The following UBAP1L variants were observed in gnomAD, a reference collection of about 807,000 sequenced individuals.
UBAP1L encodes ubiquitin associated protein 1 like.
UBAP1L carries 32 observed loss-of-function variants against 32.1 expected under a neutral mutation model. The ratio of observed to expected loss-of-function variants is 1.00; its 90% CI spans 0.75 to 1.34. UBAP1L has a LOEUF of 1.34. Ranked by LOEUF, UBAP1L falls within the 40% of genes most tolerant of loss-of-function variation. UBAP1L has a pLI of 0.00. For synonymous variants in UBAP1L, 243 were observed against 250.2 expected, an observed-to-expected ratio of 0.97 and a Z score of 0.27; for missense variants, 516 against 540.5, an observed-to-expected ratio of 0.95 and a Z score of 0.45.
rs568322709 is a variant in UBAP1L at position 65,099,282 on chromosome 15, G to T, written c.909+223C>A. 1.5e-4 allele frequency: 82 copies of T among 555,058 alleles called. No individual in the cohort carries two copies. In the South Asian group the frequency reaches 1.8e-3, roughly 12 times the overall value. 34.4% of individuals were successfully genotyped at this position (555,058 alleles called of 1,614,324 possible). On this transcript the variant is annotated intron_variant, in intron 4 of 5. Transcript: ENST00000559089. Reference sequence around the variant, plus strand: ...AACTGCAGAGATCCACTTACCTCAGGTCACCCCCTTCCCACATGCAATGAC... The same window carrying T: ...AACTGCAGAGATCCACTTACCTCAGTTCACCCCCTTCCCACATGCAATGAC...
Position 65,094,841 on chromosome 15 carries a change from C to G in UBAP1L, c.910-265G>C, listed in dbSNP as rs1422232464. 1.2e-5 allele frequency: 6 copies of G among 518,488 alleles called. No homozygotes were observed. The highest frequency in any genetic ancestry group is 1.2e-4 in the African/African-American group (6 of 51,936). 32.1% of individuals were successfully genotyped at this position (518,488 alleles called of 1,614,324 possible). ...CCAGGAAAAGGGCTGTCAGGGTGGGCTAGGGTGTTCATAGAACCTAGGTGG... is the reference window on the plus strand; with the variant it reads ...CCAGGAAAAGGGCTGTCAGGGTGGGGTAGGGTGTTCATAGAACCTAGGTGG... On this transcript the variant is annotated intron_variant, in intron 4 of 5. Transcript: ENST00000559089. The surrounding 1 kb of genome is among the most constrained non-coding windows in gnomAD (Gnocchi z 4.2).
In UBAP1L at chr15:65,112,746, T is replaced by A. The variant is rs1254792879; in HGVS notation, c.-174+2404A>T. Reference sequence around the variant, plus strand: ...GTCTCAAGACTTCTCAAACTCAACGTATCAAAGTGAACTGATTTTTCCCTT... The same window carrying A: ...GTCTCAAGACTTCTCAAACTCAACGAATCAAAGTGAACTGATTTTTCCCTT... On this transcript the variant is annotated intron_variant, in intron 1 of 5. Coordinates refer to ENST00000559089, the MANE Select transcript of UBAP1L (RefSeq NM_001163692.2). Among the ~76,000 whole-genome samples, 3 of 152,298 alleles carry A rather than the reference T, an allele frequency of 2.0e-5. No individual in the cohort carries two copies. In the East Asian group the frequency reaches 5.8e-4, roughly 29 times the overall value.
At position 65,102,416 on chromosome 15, in the gene UBAP1L, G is replaced by T. The variant is rs1342801382; in HGVS notation, c.389C>A (p.Pro130Gln). 6 of 1,427,066 alleles carry T rather than the reference G, an allele frequency of 4.2e-6. No homozygotes were observed. The highest frequency in any genetic ancestry group is 4.6e-6 in the Non-Finnish European group (5 of 1,095,032). The allele number at this position is 1,427,066 out of a possible 1,614,324, so 88.4% of individuals were successfully genotyped here. ...GGGGCCGGGGCTCGCCGGGGAGCCC[G>T]GTTGGAGGCTGCTGGGGGCCGGCTC... ...EEEPAPSSLQ[P>Q]GSPASPGPGR... Residue 130 changes from proline (P) to glutamine (Q), a missense_variant, in exon 3 of 6, where the codon CCG becomes CAG. Physicochemically the swap from Pro to Gln is moderately conservative, Grantham distance 76. Transcript: ENST00000559089. The surrounding 1 kb of genome is among the most constrained non-coding windows in gnomAD (Gnocchi z 5.0).
chr15:65,109,503 A>AC (rs2087354265), intron 1 of UBAP1L, among the ~76,000 whole-genome samples: 8 of 151,326 alleles, frequency 5.3e-5, no homozygotes, highest in Admixed American at 4.6e-4. Context: ...AAAAAAAAAA[A>AC]AACTTCCATT....
At position 65,099,566 on chromosome 15, in the gene UBAP1L, C is replaced by G; in HGVS notation, c.848G>C (p.Gly283Ala). The G allele has an allele frequency of 6.4e-7, 1 of 1,551,530 alleles. No homozygotes were observed. Among genetic ancestry groups the G allele is most frequent in the East Asian group, 2.4e-5 (1 of 40,918 alleles). The change falls in exon 4 of 6, where the codon GGA becomes GCA. Residue 283 changes from glycine (G) to alanine (A), a missense_variant. Gly to Ala is a moderately conservative substitution (Grantham distance 60). Transcript: ENST00000559089. ...QDLIGPVVAL[G>A]YPLRRAIIAL... ...TATGATGGCCCTTCGCAGGGGATAT[C>G]CCAGGGCGACCACTGGCCCAATGAG...
chr15:65,106,098 T>G lies in UBAP1L; in HGVS notation c.118A>C (p.Met40Leu). Residue 40 changes from methionine to leucine, a missense_variant and splice_region_variant, in exon 2 of 6, where the codon ATG (methionine) becomes CTG (leucine). Physicochemically the swap from Met to Leu is conservative, Grantham distance 15. Coordinates refer to ENST00000559089, the MANE Select transcript of UBAP1L (RefSeq NM_001163692.2). Reference protein sequence around the residue: ...PACGEVLLGSMHDFSLERTAL... With the variant: ...PACGEVLLGSLHDFSLERTAL... The stretch of plus-strand genomic sequence containing the variant: ...CAGAAACACAGAGACACACTTACCA[T>G]AGAACCCAGCAGAACTTCCCCGCAG... 6.4e-7 allele frequency: 1 copy of G among 1,551,416 alleles called. No individual in the cohort carries two copies. Among genetic ancestry groups the G allele is most frequent in the East Asian group, 2.4e-5 (1 of 40,914 alleles).
chr15:65,099,735 A>C, intron 3 of UBAP1L, 21 bp from the exon 4 acceptor site: 1 of 1,531,496 alleles, frequency 6.5e-7, no homozygotes, highest in Non-Finnish European at 8.8e-7. Context: ...GACAGACTGG[A>C]CATGTCAGTT....
Position 65,106,226 on chromosome 15 carries a change from G to A in UBAP1L, c.-11C>T, listed in dbSNP as rs1325181268. 6 of 1,529,254 alleles carry A rather than the reference G, an allele frequency of 3.9e-6. No individual in the cohort carries two copies. Among genetic ancestry groups the A allele is most frequent in the Non-Finnish European group, 5.3e-6 (6 of 1,139,020 alleles). 94.7% of individuals were successfully genotyped at this position (1,529,254 alleles called of 1,614,324 possible). ...ATCGAGGGCATTCATTCTGTCAGGA[G>A]TGTGGAGATGGCTGGCAGGGCTGGG... On this transcript the variant is annotated 5_prime_UTR_variant, in exon 2 of 6. Transcript: ENST00000559089.
chr15:65,111,485 A>AT lies in UBAP1L; in HGVS notation c.-174+3664dup, dbSNP rs144000118. ...TACTGAGGATTTGGGGAACATATCT[A>AT]TTTTTTTCTTTTTTGAGACGGACTC... On this transcript the variant is annotated intron_variant, in intron 1 of 5. Coordinates refer to ENST00000559089, the MANE Select transcript of UBAP1L (RefSeq NM_001163692.2). Among the ~76,000 whole-genome samples the AT allele has an allele frequency of 5.8e-3, 887 of 151,804 alleles. 10 individuals are homozygous for AT. The highest frequency in any genetic ancestry group is 0.02 in the African/African-American group (833 of 41,412).
intron 1 of UBAP1L, among the ~76,000 whole-genome samples, chr15:65,110,684 CAAA>C (rs71136313): frequency 2.1e-4 from 13 of 63,096 alleles, no homozygotes; most frequent in Admixed American, 1.0e-3. Context: ...GACTCTGTCT[CAAA>C]AAAAAAAAAA....
chr15:65,111,441 C>T (rs536075653), intron 1 of UBAP1L, among the ~76,000 whole-genome samples: 1 of 152,266 alleles, frequency 6.6e-6, no homozygotes, highest in East Asian at 1.9e-4. Context: ...TCTACTCAGC[C>T]CTACACTTGC....
At position 65,094,841 on chromosome 15, in the gene UBAP1L, C is replaced by A; in HGVS notation, c.910-265G>T. On this transcript the variant is annotated intron_variant, in intron 4 of 5. Transcript: ENST00000559089. This position sits in a 1 kb window ranked among gnomAD's most constrained non-coding sequence, Gnocchi z 4.2. ...CCAGGAAAAGGGCTGTCAGGGTGGG[C>A]TAGGGTGTTCATAGAACCTAGGTGG... The A allele has an allele frequency of 1.9e-6, 1 of 518,606 alleles. No individual in the cohort carries two copies. Among genetic ancestry groups the A allele is most frequent in the East Asian group, 3.4e-5 (1 of 29,262 alleles). 32.1% of individuals were successfully genotyped at this position (518,606 alleles called of 1,614,324 possible).
intron 4 of UBAP1L, chr15:65,097,636 G>A (rs1320501865): frequency 6.6e-6 from 1 of 152,162 alleles, no homozygotes; most frequent in Non-Finnish European, 1.5e-5. Flanking sequence ...TACCCTCAGA[G>A]AGAGAGATTC....
rs2919339 is a variant in UBAP1L at position 65,106,282 on chromosome 15, C to G, written c.-67G>C. 6.7e-7 allele frequency: 1 copy of G among 1,486,098 alleles called. No homozygotes were observed. Among genetic ancestry groups the G allele is most frequent in the Non-Finnish European group, 8.9e-7 (1 of 1,119,158 alleles). The allele number at this position is 1,486,098 out of a possible 1,614,324, so 92.1% of individuals were successfully genotyped here. On this transcript the variant is annotated 5_prime_UTR_variant, in exon 2 of 6. Transcript: ENST00000559089. ...CTGCTTGATGGCAGGGAGAGAGAGTCGAGTCCTGAGGACCAGGCTCAGGCC... is the reference window on the plus strand; with the variant it reads ...CTGCTTGATGGCAGGGAGAGAGAGTGGAGTCCTGAGGACCAGGCTCAGGCC...
At chr15:65,110,738 G>A (rs184043289) in intron 1 of UBAP1L, among the ~76,000 whole-genome samples, 2 of 148,782 alleles carry the variant, frequency 1.3e-5, no homozygotes, top group South Asian at 4.3e-4. Context: ...CATTCACACA[G>A]AATTTAAGCT....
At chr15:65,111,703 T>C (rs1318795126) in intron 1 of UBAP1L, among the ~76,000 whole-genome samples, 1 of 151,878 alleles carries the variant, frequency 6.6e-6, no homozygotes, top group African/African-American at 2.4e-5. Context: ...CAGGCTGGTC[T>C]CGAACTCCTG....
At chr15:65,097,972 G>GA (rs2087196553) in intron 4 of UBAP1L, 1 of 152,246 alleles carries the variant, frequency 6.6e-6, no homozygotes, top group Non-Finnish European at 1.5e-5. Context: ...GGAGAAAAAT[G>GA]AAAAGTGCCA....
chr15:65,104,608 A>G (rs1273911424), intron 2 of UBAP1L, among the ~76,000 whole-genome samples: 4 of 152,224 alleles, frequency 2.6e-5, no homozygotes, highest in Non-Finnish European at 5.9e-5. Flanking sequence ...GGCTGGGCAC[A>G]GTGGCTCATC....
chr15:65,095,667 G>C (rs1409525312), intron 4 of UBAP1L: 2 of 152,288 alleles, frequency 1.3e-5, no homozygotes, highest in Non-Finnish European at 2.9e-5. Flanking sequence ...CCAGACTACA[G>C]GAATTATGAG....
Sources: allele counts gnomAD v4.1 joint callset (sites outside exome capture counted in the v4.1 genomes callset), GRCh38; gene constraint gnomAD v4.1.1; non-coding constraint Gnocchi (gnomAD v3.1); transcripts MANE v1.5; gene names NCBI Gene and HGNC (gene_info 2026-07-23, HGNC 2026-07-21).